FYB2: variants seen among roughly 807,000 people sequenced by gnomAD.
The protein encoded by FYB2 is FYN-binding protein 2.
Under a neutral mutation model 94.1 loss-of-function variants are expected in FYB2, and 103 were observed. That is an observed-to-expected ratio of 1.09 (90% CI 0.93 to 1.29). The LOEUF is 1.29. Ranked by LOEUF, FYB2 falls within the 50% of genes most tolerant of loss-of-function variation. The pLI, the probability that FYB2 is intolerant of heterozygous loss-of-function variation, is 0.00. For synonymous variants in FYB2, 293 were observed against 287.9 expected (o/e 1.02, Z -0.18); for missense variants, 896 against 841.5 (o/e 1.06, Z -0.80).
chr1:56,748,369 T>C (rs1419136066), intron 9 of FYB2, among the ~76,000 whole-genome samples: 1 of 152,168 alleles, frequency 6.6e-6, no homozygotes, highest in Non-Finnish European at 1.5e-5. Context: ...CTTGGGTTTT[T>C]ATGGTTTTAA....
In FYB2 at chr1:56,782,478, C is replaced by T. The variant is rs140616771; in HGVS notation, c.953+4697G>A. Among the ~76,000 whole-genome samples the T allele has an allele frequency of 2.6e-5, 4 of 152,136 alleles. No homozygotes were observed. In the East Asian group the frequency reaches 5.8e-4, roughly 22 times the overall value. ...ATCAGCCACTCCCCACTGCCTGACA[C>T]GGGTCCTAGAGACAGTCACATGATC... On this transcript the variant is annotated intron_variant, in intron 4 of 19. Transcript: ENST00000343433.
intron 1 of FYB2, among the ~76,000 whole-genome samples, chr1:56,812,692 C>A (rs1646793571): frequency 6.6e-6 from 1 of 152,104 alleles, no homozygotes; most frequent in South Asian, 2.1e-4. Context: ...GGAACACTGA[C>A]CATGGTCGCA....
chr1:56,767,109 C>A (rs1169857761), intron 5 of FYB2, among the ~76,000 whole-genome samples: 2 of 152,170 alleles, frequency 1.3e-5, no homozygotes. Flanking sequence ...GGGAACCTAA[C>A]ACAGAACTAC....
At chr1:56,788,786 G>C (rs1044106103) in intron 3 of FYB2, 187 bp downstream of exon 3, 7 of 752,152 alleles carry the variant, frequency 9.3e-6, no homozygotes, top group Non-Finnish European at 1.5e-5. Flanking sequence ...GTCTAGGAGC[G>C]ATAAAGGGCC....
intron 2 of FYB2, among the ~76,000 whole-genome samples, chr1:56,789,596 A>G (rs1051971899): frequency 1.3e-5 from 2 of 152,176 alleles, no homozygotes; most frequent in African/African-American, 2.4e-5. Context: ...CTCTGCTCCA[A>G]TGACACCTCC....
At chr1:56,738,690 A>G in intron 13 of FYB2, 37 bp from the exon 14 acceptor site, 1 of 1,600,828 alleles carries the variant, frequency 6.2e-7, no homozygotes, top group South Asian at 1.1e-5. Flanking sequence ...AGTTAAGGAA[A>G]AAAACCATGT....
chr1:56,805,545 GC>G (rs1328342237), intron 1 of FYB2, among the ~76,000 whole-genome samples: 1 of 152,178 alleles, frequency 6.6e-6, no homozygotes, highest in Non-Finnish European at 1.5e-5. Flanking sequence ...GCTTTCTGAA[GC>G]TTACCAGGAC....
At chr1:56,793,045 G>A (rs1646310976) in intron 1 of FYB2, among the ~76,000 whole-genome samples, 1 of 152,048 alleles carries the variant, frequency 6.6e-6, no homozygotes, top group African/African-American at 2.4e-5. Flanking sequence ...ACACTCCAGG[G>A]ATGTTTAATT....
At chr1:56,757,249 T>G (rs189884125) in intron 6 of FYB2, among the ~76,000 whole-genome samples, 1 of 152,270 alleles carries the variant, frequency 6.6e-6, no homozygotes, top group African/African-American at 2.4e-5. Context: ...ACATGAAGCA[T>G]TTTAATAGGC....
rs563569193 is a variant in FYB2 at position 56,730,675 on chromosome 1, T to C, written c.1794-4092A>G. Among the ~76,000 whole-genome samples, 404 of 152,176 alleles carry C rather than the reference T, an allele frequency of 2.7e-3. 1 individual carries two copies. Among genetic ancestry groups the C allele is most frequent in the African/African-American group, 9.2e-3 (383 of 41,552 alleles). On this transcript the variant is annotated intron_variant, in intron 15 of 19. Coordinates refer to ENST00000343433, the MANE Select transcript of FYB2 (RefSeq NM_001004303.5). ...CTCCCAAAAAAGAAAAGTCTAGGAC[T>C]AGATGGCTTCCCTGCTGAATTCTAC...
chr1:56,774,732 T>C (rs953884821), intron 4 of FYB2, among the ~76,000 whole-genome samples: 1 of 151,962 alleles, frequency 6.6e-6, no homozygotes, highest in Non-Finnish European at 1.5e-5. Context: ...TCTGTGAGGG[T>C]ATTACCAAAG....
Position 56,720,303 on chromosome 1 carries a change from A to G in FYB2, c.2001T>C (p.Asn667=), listed in dbSNP as rs2100466628. 6.2e-7 allele frequency: 1 copy of G among 1,606,862 alleles called. No individual in the cohort carries two copies. The highest frequency in any genetic ancestry group is 8.5e-7 in the Non-Finnish European group (1 of 1,177,484). The change falls in exon 18 of 20, where the codon AAT becomes AAC. Residue 667 remains asparagine, a synonymous_variant. Coordinates refer to ENST00000343433, the MANE Select transcript of FYB2 (RefSeq NM_001004303.5). ...FKYDKEIIVI[N]TAVACSNNSR... The stretch of plus-strand genomic sequence containing the variant: ...AATTATTGGAACAGGCCACTGCTGT[A>G]TTGATGACAATAATCTCTTTGTCGT...
At chr1:56,825,066 C>T in the FYB2 span, 26 of 152,390 alleles carry the variant, frequency 1.7e-4, no homozygotes, top group African/African-American at 4.8e-4. Context: ...GAACAATCTG[C>T]ATGCACATCA....
the FYB2 span, chr1:56,826,884 A>C: frequency 6.6e-6 from 1 of 152,240 alleles, no homozygotes; most frequent in Non-Finnish European, 1.5e-5. Context: ...TTCCAGCTCC[A>C]ATCCAGGGCC....
chr1:56,746,955 A>C (rs1379928591), intron 9 of FYB2, among the ~76,000 whole-genome samples: 1 of 151,916 alleles, frequency 6.6e-6, no homozygotes, highest in Non-Finnish European at 1.5e-5. Flanking sequence ...CTAACACTTG[A>C]TATTTTTAGT....
intron 1 of FYB2, among the ~76,000 whole-genome samples, chr1:56,802,923 C>T (rs1333914032): frequency 6.6e-6 from 1 of 152,166 alleles, no homozygotes; most frequent in Non-Finnish European, 1.5e-5. Flanking sequence ...ATCTTCCTAG[C>T]ATCAACATGA....
At chr1:56,721,095 G>A (rs993353082) in intron 17 of FYB2, among the ~76,000 whole-genome samples, 4 of 152,014 alleles carry the variant, frequency 2.6e-5, no homozygotes, top group African/African-American at 9.7e-5. Flanking sequence ...TGTATTCACA[G>A]GCAGGCAGGC....
In FYB2 at chr1:56,720,316, ATC is replaced by A; in HGVS notation, c.1986_1987del (p.Glu662AspfsTer13). ...GGCCACTGCTGTATTGATGACAATA[ATC>A]TCTTTGTCGTACTGAAATGAGAAAT... On this transcript the variant is annotated frameshift_variant, in exon 18 of 20. Transcript: ENST00000343433. LOFTEE classifies it high-confidence loss of function. The A allele has an allele frequency of 1.9e-6, 3 of 1,601,696 alleles. No homozygotes were observed. The African/African-American group carries it at 4.0e-5, about 22-fold the overall frequency.
chr1:56,743,689 G>C (rs1557600118), intron 11 of FYB2, among the ~76,000 whole-genome samples: 1 of 151,974 alleles, frequency 6.6e-6, no homozygotes, highest in Non-Finnish European at 1.5e-5. Flanking sequence ...GATCATGTCA[G>C]AAGCCAATCT....
Sources: gnomAD v4.1 joint callset for allele counts (sites outside exome capture counted in the v4.1 genomes callset) on GRCh38, gnomAD v4.1.1 for gene constraint, MANE v1.5 for transcripts, NCBI Gene and HGNC (gene_info 2026-07-23, HGNC 2026-07-21) for gene names.